Variants in TLN2 observed in about 807,000 individuals in gnomAD.
The protein encoded by TLN2 is talin 2.
A neutral mutation model predicts 294.7 loss-of-function variants in TLN2; 118 were observed. That is an observed-to-expected ratio of 0.40 (90% CI 0.34 to 0.47). TLN2 has a LOEUF of 0.47. Among genes scored for constraint, TLN2 ranks in the 20% least tolerant of loss-of-function variants. The pLI is 0.84. For missense variants in TLN2, 3,083 were observed against 3,282.2 expected, an observed-to-expected ratio of 0.94 and a Z score of 1.48; for synonymous variants, 1,431 against 1,304.5, an observed-to-expected ratio of 1.10 and a Z score of -2.09.
intron 3 of TLN2, among the ~76,000 whole-genome samples, chr15:62,626,027 T>A (rs2049257430): frequency 6.6e-6 from 1 of 152,182 alleles, no homozygotes; most frequent in Non-Finnish European, 1.5e-5. Context: ...AGGGCAAGTT[T>A]GAGAGAGTCT....
At position 62,719,957 on chromosome 15, in the gene TLN2, A is replaced by G. The variant is rs77032054; in HGVS notation, c.2991+77A>G. 4.6e-4 allele frequency: 501 copies of G among 1,092,946 alleles called. 2 individuals are homozygous for G. The African/African-American group carries it at 7.3e-3, about 16-fold the overall frequency. The allele number at this position is 1,092,946 out of a possible 1,614,324, so 67.7% of individuals were successfully genotyped here. On this transcript the variant is annotated intron_variant, in intron 25 of 58. Coordinates refer to ENST00000636159, the MANE Select transcript of TLN2 (RefSeq NM_015059.3). The stretch of plus-strand genomic sequence containing the variant: ...GGGCTGCCCTTTAAGGAGAGGAGTT[A>G]ATGAATTCCACAGCCTCAGCTAAGT...
chr15:62,477,379 T>A lies in TLN2; in HGVS notation c.-238+86694T>A, dbSNP rs374346211. Among the ~76,000 whole-genome samples, 4 of 152,168 alleles carry A rather than the reference T, an allele frequency of 2.6e-5. No homozygotes were observed. The South Asian group carries it at 6.2e-4, about 24-fold the overall frequency. On this transcript the variant is annotated intron_variant, in intron 1 of 58. Coordinates refer to ENST00000636159, the MANE Select transcript of TLN2 (RefSeq NM_015059.3). Reference sequence around the variant, plus strand: ...TGTGACTCTTGCTGAACTGCCTGGGTGGATGTGGGTAAAGTTACTGGAGAC... The same window carrying A: ...TGTGACTCTTGCTGAACTGCCTGGGAGGATGTGGGTAAAGTTACTGGAGAC...
chr15:62,563,692 C>A (rs1048240886), intron 1 of TLN2, among the ~76,000 whole-genome samples: 50 of 152,158 alleles, frequency 3.3e-4, no homozygotes, highest in African/African-American at 1.1e-3. Flanking sequence ...GTCTCCCATT[C>A]CTGTTTCTAG....
At position 62,479,417 on chromosome 15, in the gene TLN2, G is replaced by A. The variant is rs78770912; in HGVS notation, c.-238+88732G>A. ...GTCTGAAGTGTCCCCTTCCACTTGCGTCTGGCTGATCCCCTCTAATCAAGC... is the reference window on the plus strand; with the variant it reads ...GTCTGAAGTGTCCCCTTCCACTTGCATCTGGCTGATCCCCTCTAATCAAGC... On this transcript the variant is annotated intron_variant, in intron 1 of 58. Transcript: ENST00000636159. 4.4e-3 allele frequency among the ~76,000 whole-genome samples: 664 copies of A among 152,272 alleles called. 4 individuals are homozygous for A. The highest frequency in any genetic ancestry group is 6.6e-3 in the Non-Finnish European group (451 of 68,020).
At chr15:62,729,576 A>C (rs185355453) in intron 28 of TLN2, among the ~76,000 whole-genome samples, 3 of 152,172 alleles carry the variant, frequency 2.0e-5, no homozygotes, top group South Asian at 4.1e-4. Context: ...TAATGTGTGC[A>C]TGACATACCT....
chr15:62,722,257 C>G lies in TLN2; in HGVS notation c.2992-96C>G, dbSNP rs138055004. The G allele has an allele frequency of 4.0e-3, 5,344 of 1,340,598 alleles. 16 individuals are homozygous for G. Among genetic ancestry groups the G allele is most frequent in the Non-Finnish European group, 4.8e-3 (4,793 of 1,000,558 alleles). The allele number at this position is 1,340,598 out of a possible 1,614,324, so 83.0% of individuals were successfully genotyped here. A position where few individuals can be genotyped will look rare whatever the true frequency, so the allele number is the denominator to read the frequency against. On this transcript the variant is annotated intron_variant, in intron 25 of 58. Transcript: ENST00000636159. Reference sequence around the variant, plus strand: ...ATATTCCTTTTTTTTAGGACAAAATCAGTTCTTACTGCTGTGGAGACCTCG... The same window carrying G: ...ATATTCCTTTTTTTTAGGACAAAATGAGTTCTTACTGCTGTGGAGACCTCG...
chr15:62,724,761 A>C (rs947806513), intron 26 of TLN2, among the ~76,000 whole-genome samples: 1 of 152,198 alleles, frequency 6.6e-6, no homozygotes, highest in African/African-American at 2.4e-5. Flanking sequence ...TCCAGTTATG[A>C]GACATACCTA....
chr15:62,518,227 C>T (rs180946948), intron 1 of TLN2, among the ~76,000 whole-genome samples: 61 of 152,220 alleles, frequency 4.0e-4, no homozygotes, highest in Non-Finnish European at 7.9e-4. Flanking sequence ...TTAGTAGAGT[C>T]GGGGTTTCAC....
intron 43 of TLN2, among the ~76,000 whole-genome samples, chr15:62,777,663 CTT>C (rs1391306526): frequency 6.6e-6 from 1 of 152,176 alleles, no homozygotes; most frequent in African/African-American, 2.4e-5. Context: ...TTAACACACT[CTT>C]TTTAATTGCT....
At chr15:62,543,609 G>A (rs2041823803) in intron 1 of TLN2, among the ~76,000 whole-genome samples, 1 of 152,118 alleles carries the variant, frequency 6.6e-6, no homozygotes, top group African/African-American at 2.4e-5. Flanking sequence ...ACAAAAATTA[G>A]TTGGGCGTGG....
At chr15:62,424,392 G>C (rs1247903694) in intron 1 of TLN2, among the ~76,000 whole-genome samples, 1 of 152,194 alleles carries the variant, frequency 6.6e-6, no homozygotes, top group Non-Finnish European at 1.5e-5. Flanking sequence ...AGGTAGGCTT[G>C]CTCCTGTCTT....
At chr15:62,540,043 A>G (rs1452473841) in intron 1 of TLN2, among the ~76,000 whole-genome samples, 1 of 152,186 alleles carries the variant, frequency 6.6e-6, no homozygotes, top group Non-Finnish European at 1.5e-5. Flanking sequence ...TCCATTAAAT[A>G]TAAAAAATAA....
At chr15:62,743,609 G>A (rs1457534956) in intron 32 of TLN2, among the ~76,000 whole-genome samples, 1 of 152,090 alleles carries the variant, frequency 6.6e-6, no homozygotes, top group Non-Finnish European at 1.5e-5. Context: ...GTTGGGTGGA[G>A]CTGGAGACCC....
intron 6 of TLN2, among the ~76,000 whole-genome samples, chr15:62,652,489 T>A (rs1446289682): frequency 6.6e-6 from 1 of 152,244 alleles, no homozygotes; most frequent in Non-Finnish European, 1.5e-5. Flanking sequence ...CACATGATTA[T>A]TAGATAGTCT....
At chr15:62,430,654 C>T (rs1017234197) in intron 1 of TLN2, among the ~76,000 whole-genome samples, 7 of 152,040 alleles carry the variant, frequency 4.6e-5, no homozygotes, top group African/African-American at 1.4e-4. Context: ...TCAAACGAAC[C>T]AATAAATATT....
At chr15:62,486,825 T>C (rs1206187907) in intron 1 of TLN2, among the ~76,000 whole-genome samples, 1 of 151,160 alleles carries the variant, frequency 6.6e-6, no homozygotes, top group Non-Finnish European at 1.5e-5. Flanking sequence ...TTTTTTTTTT[T>C]AATGTATATT....
At chr15:62,557,925 C>T (rs1054154582) in intron 1 of TLN2, among the ~76,000 whole-genome samples, 2 of 152,162 alleles carry the variant, frequency 1.3e-5, no homozygotes, top group South Asian at 2.1e-4. Context: ...AAAGGTTTTG[C>T]GCCAGTGGTT....
chr15:62,518,882 G>A (rs79199884), intron 1 of TLN2, among the ~76,000 whole-genome samples: 1,819 of 152,292 alleles, frequency 0.012, 12 homozygotes, highest in Middle Eastern at 0.034. Context: ...ATAGGAGTGA[G>A]CCATGGCGTC....
At chr15:62,765,500 A>G (rs72757717) in intron 40 of TLN2, among the ~76,000 whole-genome samples, 9 of 152,264 alleles carry the variant, frequency 5.9e-5, no homozygotes, top group Admixed American at 1.3e-4. Flanking sequence ...AGTTCACTCA[A>G]TTCCATGCTG....
Sources: allele counts gnomAD v4.1 joint callset (sites outside exome capture counted in the v4.1 genomes callset), GRCh38; gene constraint gnomAD v4.1.1; transcripts MANE v1.5; gene names NCBI Gene and HGNC (gene_info 2026-07-23, HGNC 2026-07-21).